The following PAK3 variants were observed in gnomAD, a reference collection of about 807,000 sequenced individuals.
PAK3 encodes the protein p21 (RAC1) activated kinase 3.
In PAK3, 4 loss-of-function variants were observed where a neutral mutation model predicts 41.0. The observed-to-expected ratio is 0.10, with a 90% CI of 0.05 to 0.22. The LOEUF (loss-of-function observed/expected upper bound fraction) is 0.22. PAK3 is among the 10% of genes least tolerant of loss of function. The pLI, the probability that PAK3 is intolerant of heterozygous loss-of-function variation, is 1.00. For synonymous variants in PAK3, 146 were observed against 139.6 expected (o/e 1.05, Z -0.32); for missense variants, 205 against 409.9 (o/e 0.50, Z 4.32).
chrX:110,970,536 G>A (rs773044037), intron 1 of PAK3, among the ~76,000 whole-genome samples: 133 of 111,282 alleles, frequency 1.2e-3, no homozygotes, highest in Non-Finnish European at 2.0e-3. Context: ...TCATAAGTGG[G>A]AGTTGAACAA....
chrX:110,979,021 T>C (rs1441556372), intron 1 of PAK3, among the ~76,000 whole-genome samples: 1 of 111,434 alleles, frequency 9.0e-6, no homozygotes, highest in Non-Finnish European at 1.9e-5. Flanking sequence ...TCTATTCAAA[T>C]TATCTATTTT....
intron 16 of PAK3, among the ~76,000 whole-genome samples, chrX:111,204,617 T>C (rs887434774): frequency 1.8e-5 from 2 of 111,657 alleles, no homozygotes; most frequent in African/African-American, 6.5e-5. Flanking sequence ...CTGACCTTTA[T>C]TGTCATTTTG....
chrX:111,107,195 G>A (rs1285343944), intron 4 of PAK3, among the ~76,000 whole-genome samples: 2 of 111,828 alleles, frequency 1.8e-5, no homozygotes, highest in Non-Finnish European at 3.8e-5. Flanking sequence ...ACATGGAAAG[G>A]GCAGGCCTGC....
chrX:111,102,126 A>C (rs976196800), intron 3 of PAK3, among the ~76,000 whole-genome samples: 2 of 111,410 alleles, frequency 1.8e-5, no homozygotes, highest in Non-Finnish European at 3.8e-5. Context: ...CACTGTGGGA[A>C]GGGGAAAGGA....
In PAK3 at chrX:110,950,868, T is replaced by C. The variant is rs190190427; in HGVS notation, c.-28+6240T>C. ...TTGATTTGCACATCTTTGATTTTAA[T>C]AGAGCCTGCCAAACTGCCTCTCAGA... On this transcript the variant is annotated intron_variant, in intron 1 of 14. Coordinates refer to the PAK3 transcript ENST00000425146. 2.4e-4 allele frequency among the ~76,000 whole-genome samples: 27 copies of C among 111,570 alleles called. No individual in the cohort carries two copies. In the East Asian group the frequency reaches 7.0e-3, roughly 29 times the overall value.
chrX:111,066,782 G>A (rs138013794), intron 1 of PAK3, among the ~76,000 whole-genome samples: 58 of 112,174 alleles, frequency 5.2e-4, no homozygotes, highest in African/African-American at 1.3e-3. Context: ...CATATAGTCC[G>A]TATTGTGTCA....
chrX:110,987,179 T>C (rs984120929), intron 1 of PAK3, among the ~76,000 whole-genome samples: 1 of 112,156 alleles, frequency 8.9e-6, no homozygotes, highest in Non-Finnish European at 1.9e-5. Context: ...GTGGGAGGGA[T>C]GGAGCTTTTT....
intron 10 of PAK3, among the ~76,000 whole-genome samples, chrX:111,171,387 GCCCTTCAAAGTATA>G (rs1316504112): frequency 9.1e-6 from 1 of 110,240 alleles, no homozygotes; most frequent in Non-Finnish European, 1.9e-5. Context: ...AATAAATGAT[GCCCTTCAAAGTATA>G]CCCTTGAGAA....
At chrX:111,188,643 G>A (rs947948156) in intron 11 of PAK3, among the ~76,000 whole-genome samples, 4 of 111,445 alleles carry the variant, frequency 3.6e-5, no homozygotes, top group African/African-American at 6.5e-5. Context: ...CTAATAGTTC[G>A]GTGTACCAGT....
chrX:111,224,292 G>C lies in PAK3; in HGVS notation c.*3845G>C, dbSNP rs1416788412. The C allele has an allele frequency of 3.6e-5, 4 of 111,684 alleles. No homozygotes were observed. Among genetic ancestry groups the C allele is most frequent in the African/African-American group, 1.3e-4 (4 of 30,697 alleles). 9.2% of individuals were successfully genotyped at this position (111,684 alleles called of 1,213,427 possible). A position where few individuals can be genotyped will look rare whatever the true frequency, so the allele number is the denominator to read the frequency against. On this transcript the variant is annotated 3_prime_UTR_variant, in exon 18 of 18. Transcript: ENST00000372007. Reference sequence around the variant, plus strand: ...GGTATGGCATTCGGGTGTCTGTTTTGTGGTTGCTTTAGATTGGAGGGGTGA... The same window carrying C: ...GGTATGGCATTCGGGTGTCTGTTTTCTGGTTGCTTTAGATTGGAGGGGTGA...
At chrX:110,980,629 G>A (rs1025645975) in intron 1 of PAK3, among the ~76,000 whole-genome samples, 4 of 111,893 alleles carry the variant, frequency 3.6e-5, no homozygotes, top group East Asian at 2.8e-4. Flanking sequence ...TTTAACATAC[G>A]TGTACATGGG....
intron 6 of PAK3, among the ~76,000 whole-genome samples, chrX:111,145,742 A>G (rs1023488890): frequency 7.1e-5 from 8 of 111,945 alleles, no homozygotes; most frequent in African/African-American, 2.6e-4. Context: ...AGCATTTGAG[A>G]TATCTTTATT....
intron 1 of PAK3, among the ~76,000 whole-genome samples, chrX:110,999,675 TA>T (rs777940539): frequency 0.082 from 5,557 of 68,050 alleles, 171 homozygotes; most frequent in African/African-American, 0.15. Context: ...TTTATAAAAG[TA>T]AAAAAAAAAA....
At chrX:110,993,056 A>G (rs1209510857) in intron 1 of PAK3, among the ~76,000 whole-genome samples, 1 of 111,865 alleles carries the variant, frequency 8.9e-6, no homozygotes, top group Non-Finnish European at 1.9e-5. Flanking sequence ...TGTGATGTCT[A>G]AAATTGAACA....
At chrX:111,095,491 T>A (rs1004120676), upstream of PAK3, among the ~76,000 whole-genome samples, 21 of 112,169 alleles carry the variant, frequency 1.9e-4, no homozygotes, top group African/African-American at 6.5e-4. Flanking sequence ...CTGCAAAAAT[T>A]TGAACCGTAT....
At chrX:111,199,858 T>A (rs2094660217) in intron 16 of PAK3, among the ~76,000 whole-genome samples, 1 of 111,861 alleles carries the variant, frequency 8.9e-6, no homozygotes, top group African/African-American at 3.2e-5. Flanking sequence ...GATGTGCTGT[T>A]GATCATGAGG....
intron 1 of PAK3, among the ~76,000 whole-genome samples, chrX:111,031,994 A>G (rs2092345829): frequency 8.9e-6 from 1 of 112,052 alleles, no homozygotes; most frequent in Admixed American, 9.5e-5. Context: ...GAGACCCACT[A>G]CTGTAACTTG....
intron 10 of PAK3, among the ~76,000 whole-genome samples, chrX:111,170,852 A>G (rs1367966657): frequency 9.0e-6 from 1 of 111,699 alleles, no homozygotes; most frequent in Non-Finnish European, 1.9e-5. Flanking sequence ...AAAGAATAAT[A>G]TAAAGCTAGA....
At position 111,214,007 on chromosome X, in the gene PAK3, T is replaced by A. The variant is rs1472902760; in HGVS notation, c.1408-2414T>A. ...AGCTGCCACCTGCATTTCCTGTTCA[T>A]CAATGAAGGTATTGAAAATTACAAA... On this transcript the variant is annotated intron_variant, in intron 16 of 17. Coordinates refer to ENST00000372007, the MANE Select transcript of PAK3 (RefSeq NM_002578.5). Among the ~76,000 whole-genome samples the A allele has an allele frequency of 3.6e-5, 4 of 111,405 alleles. No individual in the cohort carries two copies. The Admixed American group carries it at 3.8e-4, about 11-fold the overall frequency.
Sources: gnomAD v4.1 joint callset for allele counts (sites outside exome capture counted in the v4.1 genomes callset) on GRCh38, gnomAD v4.1.1 for gene constraint, MANE v1.5 for transcripts, NCBI Gene and HGNC (gene_info 2026-07-23, HGNC 2026-07-21) for gene names.